RNF17: variants seen among roughly 807,000 people sequenced by gnomAD.
RNF17 encodes the protein spermatogenesis associated 23.
A neutral mutation model predicts 200.5 loss-of-function variants in RNF17; 31 were observed. The ratio of observed to expected loss-of-function variants is 0.15; its 90% confidence interval spans 0.12 to 0.21. RNF17 has a LOEUF of 0.21. Among genes scored for constraint, RNF17 ranks in the 10% least tolerant of loss-of-function variants. The pLI is 1.00. For missense variants in RNF17, 1,628 were observed against 1,905.1 expected, an observed-to-expected ratio of 0.85 and a Z score of 2.71; for synonymous variants, 606 against 637.8, an observed-to-expected ratio of 0.95 and a Z score of 0.75.
At chr13:24,820,401 C>T (rs140090559) in intron 15 of RNF17, among the ~76,000 whole-genome samples, 2 of 152,118 alleles carry the variant, frequency 1.3e-5, no homozygotes, top group African/African-American at 4.8e-5. Flanking sequence ...GGATTACAGG[C>T]ATGAGCCACC....
At chr13:24,885,598 A>G in the RNF17 span, 1 of 1,592,980 alleles carries the variant, frequency 6.3e-7, no homozygotes, top group Non-Finnish European at 8.6e-7. Flanking sequence ...ATAAAAACAG[A>G]GATTTACTTG....
intron 22 of RNF17, among the ~76,000 whole-genome samples, chr13:24,849,105 C>T (rs1310273512): frequency 6.6e-6 from 1 of 152,024 alleles, no homozygotes; most frequent in Non-Finnish European, 1.5e-5. Flanking sequence ...TGGGAGGATC[C>T]GTTGAGCCCA....
chr13:24,782,051 G>T (rs1882452785), intron 6 of RNF17, 107 bp downstream of exon 6: 1 of 736,638 alleles, frequency 1.4e-6, no homozygotes, highest in Non-Finnish European at 2.3e-6. Flanking sequence ...AAACAAGTTT[G>T]TAATGGGTAA....
chr13:24,842,297 A>T, intron 19 of RNF17, 136 bp downstream of exon 19: 1 of 653,076 alleles, frequency 1.5e-6, no homozygotes, highest in Non-Finnish European at 2.3e-6. Flanking sequence ...CCTGTCCTGG[A>T]CCAGAAAAAA....
At chr13:24,883,896 A>C, downstream of RNF17, 1 of 1,601,696 alleles carries the variant, frequency 6.2e-7, no homozygotes, top group Non-Finnish European at 8.6e-7. Flanking sequence ...AGGCTGGGGC[A>C]CCTTCTGAGC....
intron 2 of RNF17, among the ~76,000 whole-genome samples, chr13:24,771,385 G>A (rs962141530): frequency 3.8e-5 from 5 of 132,244 alleles, no homozygotes; most frequent in African/African-American, 1.4e-4. Flanking sequence ...GGCTAGGCTA[G>A]GTCCTTGCTA....
intron 18 of RNF17, among the ~76,000 whole-genome samples, chr13:24,832,400 A>G (rs143284800): frequency 1.1e-4 from 16 of 152,298 alleles, no homozygotes; most frequent in African/African-American, 3.9e-4. Context: ...GGTTCTCAGC[A>G]TAATTTGAAA....
chr13:24,769,132 A>G (rs1326331333), intron 2 of RNF17, among the ~76,000 whole-genome samples: 1 of 151,762 alleles, frequency 6.6e-6, no homozygotes, highest in African/African-American at 2.4e-5. Flanking sequence ...GTGAAGGGAA[A>G]GGAAAGGAGC....
chr13:24,806,050 C>A (rs1026304464), intron 15 of RNF17, among the ~76,000 whole-genome samples: 21 of 152,212 alleles, frequency 1.4e-4, no homozygotes, highest in African/African-American at 4.8e-4. Flanking sequence ...CCCCACCCCA[C>A]AACAGGCCCC....
rs1360238034 is a variant in RNF17, at chr13:24,866,129, A to G, written c.4102-15A>G. 1 of 1,388,526 alleles carries G rather than the reference A, an allele frequency of 7.2e-7. No homozygotes were observed. Among genetic ancestry groups the G allele is most frequent in the South Asian group, 1.2e-5 (1 of 83,070 alleles). 86.0% of individuals were successfully genotyped at this position (1,388,526 alleles called of 1,614,324 possible). ...ATAGCTAAAGGTGATTTTACTCAAT[A>G]CCATATTATTTCAGAAACCAAGATC... is the stretch of plus-strand genomic sequence containing the variant. On this transcript the variant is annotated splice_polypyrimidine_tract_variant and intron_variant, in intron 29 of 35. Transcript: ENST00000255324.
At chr13:24,776,185 T>C (rs1261641961) in intron 3 of RNF17, among the ~76,000 whole-genome samples, 2 of 152,218 alleles carry the variant, frequency 1.3e-5, no homozygotes. Flanking sequence ...CTGACTTCTA[T>C]AGTATCTCCT....
intron 2 of RNF17, among the ~76,000 whole-genome samples, chr13:24,769,850 G>A (rs1008499887): frequency 6.6e-6 from 1 of 152,166 alleles, no homozygotes; most frequent in African/African-American, 2.4e-5. Context: ...TTGGGTGAAT[G>A]TGCATTTATT....
At chr13:24,874,878 AC>A (rs1446272238) in intron 33 of RNF17, among the ~76,000 whole-genome samples, 1 of 152,158 alleles carries the variant, frequency 6.6e-6, no homozygotes, top group Admixed American at 6.5e-5. Flanking sequence ...GTCCCTAGTA[AC>A]CCATAGTCTA....
At chr13:24,818,169 C>T (rs1887617845) in intron 15 of RNF17, among the ~76,000 whole-genome samples, 1 of 151,886 alleles carries the variant, frequency 6.6e-6, no homozygotes, top group Non-Finnish European at 1.5e-5. Flanking sequence ...TGTTTAGTTT[C>T]TACATATTTG....
chr13:24,767,987 C>T (rs982529716), intron 2 of RNF17, among the ~76,000 whole-genome samples: 3 of 152,020 alleles, frequency 2.0e-5, no homozygotes, highest in African/African-American at 4.8e-5. Flanking sequence ...AAACCCTAGC[C>T]CCTGTTTTAC....
At position 24,796,119 on chromosome 13, in the gene RNF17, T is replaced by C; in HGVS notation, c.1241-18T>C. ...CTAACTCATGGTTTATTAATGTGAC[T>C]TAAACATTTTTATCCAGGTTCTGCA... is the stretch of plus-strand genomic sequence containing the variant. On this transcript the variant is annotated intron_variant, in intron 10 of 35. Coordinates refer to ENST00000255324, the MANE Select transcript of RNF17 (RefSeq NM_031277.3). 6.3e-7 allele frequency: 1 copy of C among 1,584,970 alleles called. No individual in the cohort carries two copies.
chr13:24,888,031 ACC>A, the RNF17 span, among the ~76,000 whole-genome samples: 1 of 152,178 alleles, frequency 6.6e-6, no homozygotes, highest in African/African-American at 2.4e-5. Context: ...GGTGGTGGTA[ACC>A]CGAGTATTTG....
At chr13:24,846,006 T>C (rs1891221222) in intron 22 of RNF17, among the ~76,000 whole-genome samples, 1 of 152,122 alleles carries the variant, frequency 6.6e-6, no homozygotes. Context: ...GGCAGGAACA[T>C]CACTTGAGGC....
At chr13:24,867,166 A>C (rs1240659844) in intron 30 of RNF17, among the ~76,000 whole-genome samples, 1 of 152,196 alleles carries the variant, frequency 6.6e-6, no homozygotes, top group Non-Finnish European at 1.5e-5. Context: ...ATATGATTGC[A>C]AATATTTTCT....
Sources: allele counts gnomAD v4.1 joint callset (sites outside exome capture counted in the v4.1 genomes callset), GRCh38; gene constraint gnomAD v4.1.1; transcripts MANE v1.5; gene names NCBI Gene and HGNC (gene_info 2026-07-23, HGNC 2026-07-21).